LRRC7: variants seen among roughly 807,000 people sequenced by gnomAD.
LRRC7 encodes the protein leucine-rich repeat-containing protein 7.
Under a neutral mutation model 175.7 loss-of-function variants are expected in LRRC7, and 23 were observed. The observed-to-expected ratio is 0.13, with a 90% confidence interval of 0.09 to 0.19. The LOEUF (loss-of-function observed/expected upper bound fraction) is 0.19, where lower values mean the gene tolerates loss of function less well. LRRC7 is among the 10% of genes least tolerant of loss of function. The pLI is 1.00. For synonymous variants in LRRC7, 685 were observed against 680.9 expected, an observed-to-expected ratio of 1.01 and a Z score of -0.09; for missense variants, 1,354 against 1,904.7, an observed-to-expected ratio of 0.71 and a Z score of 5.38.
intron 1 of LRRC7, among the ~76,000 whole-genome samples, chr1:69,623,560 T>TA (rs1293019644): frequency 1.3e-5 from 2 of 151,116 alleles, no homozygotes; most frequent in Non-Finnish European, 3.0e-5. Flanking sequence ...TTTTTTTTTT[T>TA]TTTTTTTGAG....
At chr1:69,934,973 T>C (rs1034402834) in intron 8 of LRRC7, among the ~76,000 whole-genome samples, 2 of 152,128 alleles carry the variant, frequency 1.3e-5, no homozygotes, top group African/African-American at 4.8e-5. Context: ...GAAGAGTCAG[T>C]TATAAGAAGC....
intron 20 of LRRC7, among the ~76,000 whole-genome samples, chr1:70,037,666 T>G (rs1420734356): frequency 6.6e-6 from 1 of 152,150 alleles, no homozygotes; most frequent in Non-Finnish European, 1.5e-5. Context: ...CAGGAATGGG[T>G]ATCAGGAATC....
chr1:69,898,392 C>T (rs745486937), intron 7 of LRRC7, among the ~76,000 whole-genome samples: 4 of 152,052 alleles, frequency 2.6e-5, no homozygotes, highest in South Asian at 2.1e-4. Context: ...GAATATTGTT[C>T]GATTGGATTC....
chr1:70,048,863 A>C (rs1313093866), intron 22 of LRRC7, among the ~76,000 whole-genome samples: 1 of 152,082 alleles, frequency 6.6e-6, no homozygotes, highest in Non-Finnish European at 1.5e-5. Flanking sequence ...CAAGAAAATA[A>C]CTCATTAATC....
intron 2 of LRRC7, among the ~76,000 whole-genome samples, chr1:69,728,242 C>T (rs926829143): frequency 6.6e-6 from 1 of 152,038 alleles, no homozygotes; most frequent in African/African-American, 2.4e-5. Context: ...CACACTCTCC[C>T]TATTAAAAAA....
intron 11 of LRRC7, among the ~76,000 whole-genome samples, chr1:70,004,636 G>T (rs539187046): frequency 6.6e-6 from 1 of 152,068 alleles, no homozygotes; most frequent in Non-Finnish European, 1.5e-5. Flanking sequence ...CTGCAGTTGG[G>T]TGTCTACTTT....
At position 70,126,043 on chromosome 1, in the gene LRRC7, G is replaced by A. The variant is rs1666443086; in HGVS notation, c.*4156G>A. Among the ~76,000 whole-genome samples the A allele has an allele frequency of 6.6e-6, 1 of 151,914 alleles. No individual in the cohort carries two copies. Among genetic ancestry groups the A allele is most frequent in the African/African-American group, 2.4e-5 (1 of 41,342 alleles). ...GCTTGCCACCTTGTCTTTCCGTTTAGTATGTTTACTAACTGTTAAGGACAG... is the reference window on the plus strand; with the variant it reads ...GCTTGCCACCTTGTCTTTCCGTTTAATATGTTTACTAACTGTTAAGGACAG... On this transcript the variant is annotated 3_prime_UTR_variant, in exon 27 of 27. Coordinates refer to ENST00000651989, the MANE Select transcript of LRRC7 (RefSeq NM_001370785.2).
rs1047359332 is a variant in LRRC7 at position 70,130,270 on chromosome 1, A to G, written c.*8383A>G. On this transcript the variant is annotated 3_prime_UTR_variant, in exon 27 of 27. Coordinates refer to ENST00000651989, the MANE Select transcript of LRRC7 (RefSeq NM_001370785.2). ...GCCTCAGGAGAGGTAAAATGACCAGATGTTTTGTTTACCATATATCCTTAA... is the reference window on the plus strand; with the variant it reads ...GCCTCAGGAGAGGTAAAATGACCAGGTGTTTTGTTTACCATATATCCTTAA... 6.6e-6 allele frequency: 1 copy of G among 152,226 alleles called. No individual in the cohort carries two copies. The highest frequency in any genetic ancestry group is 2.4e-5 in the African/African-American group (1 of 41,450). The allele number at this position is 152,226 out of a possible 1,614,324, so 9.4% of individuals were successfully genotyped here. A position where few individuals can be genotyped will look rare whatever the true frequency, so the allele number is the denominator to read the frequency against.
At chr1:69,961,039 A>ACTAT (rs1433831740) in intron 8 of LRRC7, among the ~76,000 whole-genome samples, 2 of 152,154 alleles carry the variant, frequency 1.3e-5, no homozygotes, top group African/African-American at 4.8e-5. Context: ...AGGAAGTCAA[A>ACTAT]CTATCCCTGT....
intron 2 of LRRC7, among the ~76,000 whole-genome samples, chr1:69,751,364 C>T (rs1365992867): frequency 6.6e-6 from 1 of 151,738 alleles, no homozygotes; most frequent in Admixed American, 6.6e-5. Context: ...TACTTTTGTG[C>T]AGTATTTTCA....
intron 3 of LRRC7, among the ~76,000 whole-genome samples, chr1:69,791,428 G>A (rs1371036184): frequency 1.3e-5 from 2 of 151,876 alleles, no homozygotes; most frequent in Non-Finnish European, 2.9e-5. Flanking sequence ...TTTAACACTT[G>A]GCTCTTTCCC....
chr1:69,708,571 A>G (rs549372851), intron 2 of LRRC7, among the ~76,000 whole-genome samples: 3 of 152,340 alleles, frequency 2.0e-5, no homozygotes, highest in Non-Finnish European at 4.4e-5. Flanking sequence ...GTATATCAAT[A>G]ACAAAATTTC....
intron 1 of LRRC7, among the ~76,000 whole-genome samples, chr1:69,572,531 T>C (rs192428548): frequency 2.8e-4 from 42 of 152,278 alleles, no homozygotes; most frequent in African/African-American, 8.9e-4. Flanking sequence ...AAATCAATAG[T>C]ATTTTTTCTT....
intron 1 of LRRC7, among the ~76,000 whole-genome samples, chr1:69,651,812 T>A (rs1655872995): frequency 6.6e-6 from 1 of 151,954 alleles, no homozygotes; most frequent in African/African-American, 2.4e-5. Flanking sequence ...AAGTTCTAGC[T>A]CTTTGGAGGG....
At chr1:69,737,148 A>C (rs2100838694) in intron 2 of LRRC7, among the ~76,000 whole-genome samples, 1 of 152,058 alleles carries the variant, frequency 6.6e-6, no homozygotes, top group Admixed American at 6.6e-5. Context: ...GATTAGACAA[A>C]CTCTGTGATA....
At position 70,076,181 on chromosome 1, in the gene LRRC7, A is replaced by G. The variant is rs1355592732; in HGVS notation, c.4335A>G (p.Gln1445=). ...EGNINKVTIQ[Q]FQSPLPIQIP... is the part of the protein sequence containing the mutation. ...ATATAAACAAAGTGACCATCCAGCA[A>G]TTTCAGTCACCATTGCCTATTCAGA... Residue 1445 remains glutamine (Q), a synonymous_variant, in exon 24 of 27, where the codon CAA becomes CAG. Transcript: ENST00000651989. 1 of 1,614,074 alleles carries G rather than the reference A, an allele frequency of 6.2e-7. No individual in the cohort carries two copies. Among genetic ancestry groups the G allele is most frequent in the African/African-American group, 1.3e-5 (1 of 75,022 alleles).
At position 70,028,212 on chromosome 1, in the gene LRRC7, G is replaced by A. The variant is rs1190603764; in HGVS notation, c.1836G>A (p.Glu612=). ...AACGATATCCAACTCCTTACCCAGA[G>A]GATTTAAAGAATATGGTAAAATCTG... ...NLKRYPTPYP[E]DLKNMVKSVQ... The change falls in exon 18 of 27, where the codon GAG becomes GAA. Residue 612 remains glutamate, a synonymous_variant. Coordinates refer to ENST00000651989, the MANE Select transcript of LRRC7 (RefSeq NM_001370785.2). 3.1e-6 allele frequency: 5 copies of A among 1,613,534 alleles called. No homozygotes were observed.
At chr1:70,106,516 T>C (rs61784297) in intron 25 of LRRC7, among the ~76,000 whole-genome samples, 10,659 of 152,290 alleles carry the variant, frequency 0.07, 454 homozygotes, top group South Asian at 0.18. Flanking sequence ...TATATAGATA[T>C]ATACCACATT....
intron 7 of LRRC7, among the ~76,000 whole-genome samples, chr1:69,917,003 C>G (rs1484955796): frequency 1.3e-5 from 2 of 152,088 alleles, no homozygotes; most frequent in Non-Finnish European, 2.9e-5. Flanking sequence ...AATAACATTA[C>G]AGGCAGGAGC....
Sources: gnomAD v4.1 joint callset for allele counts (sites outside exome capture counted in the v4.1 genomes callset) on GRCh38, gnomAD v4.1.1 for gene constraint, MANE v1.5 for transcripts, NCBI Gene and HGNC (gene_info 2026-07-23, HGNC 2026-07-21) for gene names.